Variants in TRPC4AP observed in about 807,000 individuals in gnomAD.
The protein encoded by TRPC4AP is short transient receptor potential channel 4-associated protein.
In TRPC4AP, 45 loss-of-function variants were observed where a neutral mutation model predicts 99.0. That is an observed-to-expected ratio of 0.45 (90% CI 0.36 to 0.58). The LOEUF (loss-of-function observed/expected upper bound fraction) is 0.58. Ranked by LOEUF, TRPC4AP falls within the 20% of genes least tolerant of loss-of-function variation. The pLI, the probability that TRPC4AP is intolerant of heterozygous loss-of-function variation, is 0.00. For synonymous variants in TRPC4AP, 408 were observed against 385.8 expected, an observed-to-expected ratio of 1.06 and a Z score of -0.67; for missense variants, 879 against 985.3, an observed-to-expected ratio of 0.89 and a Z score of 1.44.
At position 35,002,675 on chromosome 20, in the gene TRPC4AP, G is replaced by A. The variant is rs2043209894; in HGVS notation, c.*471C>T. 1 of 171,870 alleles carries A rather than the reference G, an allele frequency of 5.8e-6. No homozygotes were observed. Among genetic ancestry groups the A allele is most frequent in the Non-Finnish European group, 1.2e-5 (1 of 80,636 alleles). The allele number at this position is 171,870 out of a possible 1,614,324, so 10.6% of individuals were successfully genotyped here. A position where few individuals can be genotyped will look rare whatever the true frequency, so the allele number is the denominator to read the frequency against. On this transcript the variant is annotated 3_prime_UTR_variant, in exon 19 of 19. Coordinates refer to ENST00000252015, the MANE Select transcript of TRPC4AP (RefSeq NM_015638.3). ...AAATGAGGCAGAGGGGCAGGCTTGGGGGAAGGCAGCATTCTCTGGTACCCA... is the reference window on the plus strand; with the variant it reads ...AAATGAGGCAGAGGGGCAGGCTTGGAGGAAGGCAGCATTCTCTGGTACCCA...
In TRPC4AP at chr20:35,010,252, ATTC is replaced by A. The variant is rs2082603816; in HGVS notation, c.1443_1445del (p.Asn482del). On this transcript the variant is annotated inframe_deletion, in exon 12 of 19. Transcript: ENST00000252015. ...CCTTGAGAGAGATGGCACTGAGTTC[ATTC>A]AGCTCCTGGTTGTTGAGTAACAAGT... 6.2e-7 allele frequency: 1 copy of A among 1,614,098 alleles called. No homozygotes were observed.
At chr20:35,004,419 A>G in intron 17 of TRPC4AP, 39 bp downstream of exon 17, 1 of 1,569,084 alleles carries the variant, frequency 6.4e-7, no homozygotes, top group Non-Finnish European at 8.7e-7. Flanking sequence ...GTGGTTTCCA[A>G]TCGACCTTCC....
At chr20:35,042,645 A>G (rs1215938994) in intron 7 of TRPC4AP, among the ~76,000 whole-genome samples, 1 of 152,212 alleles carries the variant, frequency 6.6e-6, no homozygotes, top group Non-Finnish European at 1.5e-5. Context: ...GCCTGTTAAC[A>G]TTGAAAAACT....
intron 3 of TRPC4AP, among the ~76,000 whole-genome samples, chr20:35,060,821 G>A (rs192355774): frequency 8.6e-5 from 13 of 151,906 alleles, no homozygotes; most frequent in Middle Eastern, 3.4e-3. Flanking sequence ...AATCAACAAG[G>A]AATAGAAGAG....
chr20:35,061,815 C>A (rs2084015880), intron 3 of TRPC4AP, among the ~76,000 whole-genome samples: 1 of 152,112 alleles, frequency 6.6e-6, no homozygotes, highest in African/African-American at 2.4e-5. Flanking sequence ...TTCTTAGATG[C>A]ACACCAATAC....
chr20:35,062,464 T>A (rs192077768), intron 3 of TRPC4AP, among the ~76,000 whole-genome samples: 16 of 152,334 alleles, frequency 1.1e-4, no homozygotes, highest in Admixed American at 9.1e-4. Flanking sequence ...AAATAAGATG[T>A]GGTCTATCCA....
In TRPC4AP at chr20:35,003,083, G is replaced by A. The variant is rs201093403; in HGVS notation, c.*63C>T. 7.6e-5 allele frequency: 121 copies of A among 1,599,276 alleles called. 1 individual carries two copies. Among genetic ancestry groups the A allele is most frequent in the East Asian group, 2.5e-4 (11 of 44,748 alleles). ...GGGAGGAACGGGAACAGGGCAGGGC[G>A]TGTGGCATCGTACCCACGCTCACCC... On this transcript the variant is annotated 3_prime_UTR_variant, in exon 19 of 19. Coordinates refer to ENST00000252015, the MANE Select transcript of TRPC4AP (RefSeq NM_015638.3).
At chr20:35,006,715 A>G in intron 14 of TRPC4AP, 140 bp from the exon 15 acceptor site, 1 of 1,180,300 alleles carries the variant, frequency 8.5e-7, no homozygotes, top group South Asian at 1.5e-5. Flanking sequence ...TTGTCTGAGG[A>G]TGCTGGTGGC....
At chr20:35,068,758 G>A (rs2057324) in intron 3 of TRPC4AP, among the ~76,000 whole-genome samples, 59,894 of 151,278 alleles carry the variant, frequency 0.4, 12,962 homozygotes, top group East Asian at 0.58. Flanking sequence ...CTGACCTCAC[G>A]ATCCACCTGC....
At position 35,035,249 on chromosome 20, in the gene TRPC4AP, C is replaced by T; in HGVS notation, c.925G>A (p.Val309Met). 3.1e-6 allele frequency: 5 copies of T among 1,614,140 alleles called. No individual in the cohort carries two copies. The highest frequency in any genetic ancestry group is 4.2e-6 in the Non-Finnish European group (5 of 1,180,014). The change falls in exon 8 of 19, where the codon GTG becomes ATG. Residue 309 changes from valine (V) to methionine (M), a missense_variant. Coordinates refer to ENST00000252015, the MANE Select transcript of TRPC4AP (RefSeq NM_015638.3). ...CTGGCTGTGCCCGTTGACTCTGACA[C>T]CTTTCGAGTCGCCAGTTTGCAAAGC... ...ERLCKLATRK[V>M]SESTGTASFL... is the part of the protein sequence containing the mutation.
chr20:35,057,489 A>C, intron 4 of TRPC4AP, 25 bp downstream of exon 4: 4 of 1,598,034 alleles, frequency 2.5e-6, no homozygotes, highest in Non-Finnish European at 3.4e-6. Flanking sequence ...GAAAACAAGG[A>C]CCAGTAGCTA....
Position 35,003,201 on chromosome 20 carries a change from A to C in TRPC4AP, c.2339T>G (p.Val780Gly). 6.2e-7 allele frequency: 1 copy of C among 1,614,228 alleles called. No individual in the cohort carries two copies. The highest frequency in any genetic ancestry group is 8.5e-7 in the Non-Finnish European group (1 of 1,180,022). Reference protein sequence around the residue: ...NPDRQSPSALVSYIEEPYMDI... With the variant: ...NPDRQSPSALGSYIEEPYMDI... ...CATGTAGGGCTCCTCAATGTAGCTA[A>C]CGAGAGCAGAGGGTGACTGCCGGTC... Residue 780 changes from valine to glycine, a missense_variant, in exon 19 of 19, where the codon GTT (valine) becomes GGT (glycine). Val to Gly is a moderately radical substitution (Grantham distance 109). Around this residue, in one of 3 missense-constraint regions of TRPC4AP, gnomAD observed 224 missense variants for 264.7 expected, o/e 0.85. Transcript: ENST00000252015.
intron 17 of TRPC4AP, among the ~76,000 whole-genome samples, 168 bp from the exon 18 acceptor site, chr20:35,003,784 C>A (rs760692786): frequency 7.2e-5 from 11 of 152,150 alleles, no homozygotes; most frequent in Non-Finnish European, 1.2e-4. Flanking sequence ...GGGCCCCCAG[C>A]AGCCCCAGTT....
At position 35,035,171 on chromosome 20, in the gene TRPC4AP, G is replaced by T; in HGVS notation, c.1003C>A (p.Leu335Ile). ...TTGGCCACTCGCATCAGGGCATCTA[G>T]CACCAAAGCATTGTCTAGCCATGTG... The part of the protein sequence containing the change: ...WYTWLDNALV[L>I]DALMRVANEE... Residue 335 changes from leucine (L) to isoleucine (I), a missense_variant, in exon 8 of 19, where the codon CTA becomes ATA. Leu to Ile is a conservative substitution (Grantham distance 5). Coordinates refer to ENST00000252015, the MANE Select transcript of TRPC4AP (RefSeq NM_015638.3). 1 of 1,614,026 alleles carries T rather than the reference G, an allele frequency of 6.2e-7. No individual in the cohort carries two copies. Among genetic ancestry groups the T allele is most frequent in the Non-Finnish European group, 8.5e-7 (1 of 1,179,974 alleles).
intron 1 of TRPC4AP, among the ~76,000 whole-genome samples, chr20:35,088,090 T>C (rs1175667403): frequency 6.6e-6 from 1 of 152,230 alleles, no homozygotes; most frequent in Non-Finnish European, 1.5e-5. Flanking sequence ...CGTCAGCGTA[T>C]AGAGCAGTTA....
intron 17 of TRPC4AP, among the ~76,000 whole-genome samples, chr20:35,003,902 G>A (rs2082455009): frequency 6.6e-6 from 1 of 152,204 alleles, no homozygotes; most frequent in African/African-American, 2.4e-5. Context: ...CTTCCGGAAG[G>A]TCCGTCCCAG....
At chr20:35,024,854 A>AAAAAAAAAC (rs1479270980) in intron 8 of TRPC4AP, among the ~76,000 whole-genome samples, 4 of 89,480 alleles carry the variant, frequency 4.5e-5, no homozygotes, top group East Asian at 4.4e-4. Flanking sequence ...AAAAAAAAAA[A>AAAAAAAAAC]ATTCTGTTTA....
At chr20:35,056,190 G>A (rs778127209) in intron 4 of TRPC4AP, among the ~76,000 whole-genome samples, 2 of 152,086 alleles carry the variant, frequency 1.3e-5, no homozygotes, top group Admixed American at 6.5e-5. Flanking sequence ...TTTATTTAAC[G>A]ACTTCAGAGC....
At chr20:35,067,574 T>C (rs529989575) in intron 3 of TRPC4AP, among the ~76,000 whole-genome samples, 1 of 152,278 alleles carries the variant, frequency 6.6e-6, no homozygotes, top group South Asian at 2.1e-4. Flanking sequence ...CAAGAATGTT[T>C]ATAGCACTGT....
Sources: allele counts gnomAD v4.1 joint callset (sites outside exome capture counted in the v4.1 genomes callset), GRCh38; gene constraint gnomAD v4.1.1; regional missense constraint gnomAD v4.1.1; transcripts MANE v1.5; gene names NCBI Gene and HGNC (gene_info 2026-07-23, HGNC 2026-07-21).